Variants in RNF130 observed in about 807,000 individuals in gnomAD.
The protein encoded by RNF130 is E3 ubiquitin-protein ligase RNF130.
A neutral mutation model predicts 44.6 loss-of-function variants in RNF130; 21 were observed. The observed-to-expected ratio is 0.47, with a 90% CI of 0.33 to 0.68. RNF130 has a LOEUF of 0.68. RNF130 is among the 30% of genes least tolerant of loss of function. The probability of loss-of-function intolerance (pLI) is 0.02; values close to 1 mark genes in which losing one functional copy is unlikely to be tolerated. For missense variants in RNF130, 479 were observed against 560.6 expected (o/e 0.85, Z 1.47); for synonymous variants, 214 against 210.4 (o/e 1.02, Z -0.15).
intron 2 of RNF130, among the ~76,000 whole-genome samples, chr5:180,033,740 T>C (rs1764187146): frequency 6.6e-6 from 1 of 151,408 alleles, no homozygotes; most frequent in South Asian, 2.1e-4. Context: ...TTGGTTTTTG[T>C]ATAATGACTT....
At chr5:179,956,684 C>T (rs1199011688) in intron 8 of RNF130, among the ~76,000 whole-genome samples, 1 of 152,238 alleles carries the variant, frequency 6.6e-6, no homozygotes, top group African/African-American at 2.4e-5. Context: ...CTAAGTCACT[C>T]TTCCATGCAG....
At chr5:179,972,597 G>C (rs1044385713) in intron 5 of RNF130, among the ~76,000 whole-genome samples, 1 of 151,976 alleles carries the variant, frequency 6.6e-6, no homozygotes, top group Non-Finnish European at 1.5e-5. Flanking sequence ...CCAGATGAGG[G>C]TGGGGGGTGG....
At chr5:180,005,538 A>T (rs1458708594) in intron 3 of RNF130, among the ~76,000 whole-genome samples, 1 of 152,200 alleles carries the variant, frequency 6.6e-6, no homozygotes, top group African/African-American at 2.4e-5. Context: ...TTATTCATCT[A>T]ATATCAGCTC....
chr5:180,050,834 G>A (rs1307183764), intron 1 of RNF130, among the ~76,000 whole-genome samples: 1 of 152,150 alleles, frequency 6.6e-6, no homozygotes, highest in Non-Finnish European at 1.5e-5. Context: ...TGGAGACAGG[G>A]TTTCACTCTG....
chr5:180,043,240 G>A (rs372011920), intron 1 of RNF130, among the ~76,000 whole-genome samples: 12 of 152,278 alleles, frequency 7.9e-5, no homozygotes, highest in Middle Eastern at 3.4e-3. Context: ...TGGGAGGATC[G>A]CTTGAGCCCA....
chr5:180,013,056 C>T lies in RNF130; in HGVS notation c.693+5G>A. ...GAACCAATCACTGTTGAGTACTGAG[C>T]TCACCTGGTTCCTGTCGCGTGCATT... On this transcript the variant is annotated splice_donor_5th_base_variant and intron_variant, in intron 3 of 8. Coordinates refer to ENST00000521389, the MANE Select transcript of RNF130 (RefSeq NM_018434.6). The T allele has an allele frequency of 6.2e-7, 1 of 1,611,262 alleles. No homozygotes were observed. The highest frequency in any genetic ancestry group is 8.5e-7 in the Non-Finnish European group (1 of 1,179,216).
At chr5:179,948,233 C>T (rs1268591773) in intron 7 of RNF130, among the ~76,000 whole-genome samples, 4 of 152,224 alleles carry the variant, frequency 2.6e-5, no homozygotes, top group African/African-American at 9.6e-5. Context: ...AATGGTTATA[C>T]ATGTGAACAA....
downstream of RNF130, among the ~76,000 whole-genome samples, chr5:179,954,437 G>A (rs774472381): frequency 4.6e-5 from 7 of 152,134 alleles, no homozygotes; most frequent in South Asian, 2.1e-4. Context: ...TGTATGAACC[G>A]TGAACACATG....
At chr5:179,917,973 T>A (rs1048523897) in exon 8 of RNF130, 3 of 152,218 alleles carry the variant, frequency 2.0e-5, no homozygotes, top group African/African-American at 4.8e-5. Flanking sequence ...GCCACTGCCC[T>A]TCAGCCTGGG....
Position 180,071,714 on chromosome 5 carries a change from C to A in RNF130, c.-12G>T. ...CCCGCGCAGCTCATCGTCCCTCCGGCAGCCGCCGCTGCTCGCGGACCGGGC... is the reference window on the plus strand; with the variant it reads ...CCCGCGCAGCTCATCGTCCCTCCGGAAGCCGCCGCTGCTCGCGGACCGGGC... On this transcript the variant is annotated 5_prime_UTR_variant, in exon 1 of 9. Transcript: ENST00000521389. 1.6e-6 allele frequency: 2 copies of A among 1,261,354 alleles called. No homozygotes were observed. The highest frequency in any genetic ancestry group is 1.0e-6 in the Non-Finnish European group (1 of 1,004,870). The allele number at this position is 1,261,354 out of a possible 1,614,324, so 78.1% of individuals were successfully genotyped here.
chr5:179,920,156 C>T, exon 8 of RNF130: 2 of 560,968 alleles, frequency 3.6e-6, no homozygotes, highest in South Asian at 4.7e-5. Context: ...AAAGCCTCAC[C>T]TTGGGGGAAC....
chr5:179,911,922 C>T (rs1208296373), exon 8 of RNF130: 4 of 152,190 alleles, frequency 2.6e-5, no homozygotes, highest in South Asian at 4.1e-4. Flanking sequence ...CTGAGCTAAT[C>T]GTCAGTTTTG....
At chr5:180,059,369 A>C (rs1764917656) in intron 1 of RNF130, among the ~76,000 whole-genome samples, 1 of 152,224 alleles carries the variant, frequency 6.6e-6, no homozygotes, top group Non-Finnish European at 1.5e-5. Context: ...TAATCGTGTT[A>C]TGACCTGTGT....
chr5:180,034,987 A>G (rs557906628), intron 2 of RNF130, among the ~76,000 whole-genome samples: 41 of 152,150 alleles, frequency 2.7e-4, no homozygotes, highest in Non-Finnish European at 5.7e-4. Context: ...AATTTTATTG[A>G]TAGTTCCAAA....
chr5:180,037,265 A>G (rs2113133753), intron 2 of RNF130, among the ~76,000 whole-genome samples: 1 of 152,338 alleles, frequency 6.6e-6, no homozygotes, highest in African/African-American at 2.4e-5. Context: ...GGAAAGAAGG[A>G]CAGAGAGAGG....
chr5:180,042,101 G>A (rs964110322), intron 1 of RNF130, among the ~76,000 whole-genome samples: 1 of 152,150 alleles, frequency 6.6e-6, no homozygotes, highest in African/African-American at 2.4e-5. Flanking sequence ...TGACGCCAGT[G>A]GGAAAATGTT....
intron 8 of RNF130, among the ~76,000 whole-genome samples, chr5:179,959,451 C>A (rs1762277917): frequency 1.3e-5 from 2 of 151,966 alleles, no homozygotes; most frequent in Admixed American, 1.3e-4. Context: ...GACAGTGAAA[C>A]CCCATCTCTA....
chr5:180,063,842 A>C (rs1051811021), intron 1 of RNF130, among the ~76,000 whole-genome samples: 2 of 152,248 alleles, frequency 1.3e-5, no homozygotes. Flanking sequence ...TTTACAAAAG[A>C]CTTCTGTAAA....
At chr5:180,026,155 T>C (rs1435056233) in intron 2 of RNF130, among the ~76,000 whole-genome samples, 1 of 151,660 alleles carries the variant, frequency 6.6e-6, no homozygotes, top group Non-Finnish European at 1.5e-5. Flanking sequence ...AAGCATCTGA[T>C]ATTGCTGATT....
Sources: allele counts gnomAD v4.1 joint callset (sites outside exome capture counted in the v4.1 genomes callset), GRCh38; gene constraint gnomAD v4.1.1; transcripts MANE v1.5; gene names NCBI Gene and HGNC (gene_info 2026-07-23, HGNC 2026-07-21).